PCLO: variants seen among roughly 807,000 people sequenced by gnomAD.
PCLO encodes protein piccolo.
PCLO carries 82 observed loss-of-function variants against 427.5 expected under a neutral mutation model. That is an observed-to-expected ratio of 0.19 (90% CI 0.16 to 0.23). PCLO has a LOEUF of 0.23. Ranked by LOEUF, PCLO falls within the 10% of genes least tolerant of loss-of-function variation. The pLI is 1.00. For missense variants in PCLO, 6,239 were observed against 6,115.9 expected (o/e 1.02, Z -0.67); for synonymous variants, 2,357 against 2,155.4 (o/e 1.09, Z -2.59).
Position 82,841,508 on chromosome 7 carries a change from G to C in PCLO, c.14048C>G (p.Pro4683Arg), listed in dbSNP as rs1339579524. 1.3e-6 allele frequency: 2 copies of C among 1,552,952 alleles called. No homozygotes were observed. Among genetic ancestry groups the C allele is most frequent in the African/African-American group, 2.7e-5 (2 of 73,702 alleles). ...VSKKKHGSSK[P>R]TDGTKVVSHP... is the part of the protein sequence containing the mutation. ...AGAGACAACCTTTGTTCCATCGGTA[G>C]GCTGTAATATTAAAGAACATATATT... is the stretch of plus-strand genomic sequence containing the variant. The change falls in exon 14 of 25, where the codon CCT (proline) becomes CGT (arginine). Residue 4683 changes from proline to arginine, a missense_variant and splice_region_variant. Physicochemically the swap from Pro to Arg is moderately radical, Grantham distance 103 (BLOSUM62 -2). Around this residue, in one of 5 missense-constraint regions of PCLO, gnomAD observed 877 missense variants for 925.5 expected, o/e 0.95. Transcript: ENST00000333891.
chr7:83,041,750 G>A lies in PCLO; in HGVS notation c.3301-75263C>T, dbSNP rs1361981941. On this transcript the variant is annotated intron_variant, in intron 3 of 24. Transcript: ENST00000333891. ...CTAATATTCAAGAATGTTATGACAA[G>A]ATCAAAATCTTCATTTGGATAACAG... 5.9e-5 allele frequency among the ~76,000 whole-genome samples: 9 copies of A among 152,194 alleles called. No individual in the cohort carries two copies. The South Asian group carries it at 1.4e-3, about 25-fold the overall frequency.
At chr7:82,981,966 C>T (rs1796155840) in intron 3 of PCLO, among the ~76,000 whole-genome samples, 1 of 152,008 alleles carries the variant, frequency 6.6e-6, no homozygotes, top group African/African-American at 2.4e-5. Flanking sequence ...CTTTCTTCTT[C>T]TCCGGTTTTT....
At chr7:82,807,802 A>G (rs937983418) in intron 20 of PCLO, among the ~76,000 whole-genome samples, 16 of 151,026 alleles carry the variant, frequency 1.1e-4, no homozygotes, top group Non-Finnish European at 2.4e-4. Flanking sequence ...ACTTATAGAC[A>G]TCTGATATAC....
Position 82,953,169 on chromosome 7 carries a change from G to T in PCLO, c.7784C>A (p.Ser2595Tyr), listed in dbSNP as rs1170802408. The T allele has an allele frequency of 6.2e-7, 1 of 1,613,928 alleles. No homozygotes were observed. Among genetic ancestry groups the T allele is most frequent in the South Asian group, 1.1e-5 (1 of 91,078 alleles). Residue 2595 changes from serine (S) to tyrosine (Y), a missense_variant, in exon 5 of 25, where the codon TCT becomes TAT. By Grantham distance (144) the Ser-to-Tyr change is moderately radical. Transcript: ENST00000333891. The part of the protein sequence containing the change: ...LPSEPGTPTD[S>Y]SASQAITSWP... ...ACTGGTAATTGCTTGACTAGCAGAA[G>T]AATCTGTTGGAGTCCCTGGTTCAGA...
At chr7:82,877,827 G>A (rs1297894040) in intron 10 of PCLO, among the ~76,000 whole-genome samples, 2 of 151,930 alleles carry the variant, frequency 1.3e-5, no homozygotes, top group East Asian at 1.9e-4. Flanking sequence ...CACCACATCC[G>A]GGTAATTTTT....
intron 6 of PCLO, among the ~76,000 whole-genome samples, chr7:82,923,868 G>T (rs529933529): frequency 6.6e-6 from 1 of 151,910 alleles, no homozygotes; most frequent in Non-Finnish European, 1.5e-5. Flanking sequence ...GACAGTAATG[G>T]CATTTTGGAC....
At chr7:83,019,767 T>A (rs1462513178) in intron 3 of PCLO, among the ~76,000 whole-genome samples, 1 of 152,124 alleles carries the variant, frequency 6.6e-6, no homozygotes, top group South Asian at 2.1e-4. Context: ...TGTTTTCCTA[T>A]ATCCCAAATC....
chr7:83,071,315 A>G (rs1238129943), intron 3 of PCLO, among the ~76,000 whole-genome samples: 1 of 152,198 alleles, frequency 6.6e-6, no homozygotes, highest in Admixed American at 6.5e-5. Context: ...GTTTTAAAGT[A>G]TTTCTTAAAT....
At chr7:83,055,763 C>T (rs1478557333) in intron 3 of PCLO, among the ~76,000 whole-genome samples, 2 of 152,076 alleles carry the variant, frequency 1.3e-5, no homozygotes, top group African/African-American at 4.8e-5. Context: ...TTTGATTCTA[C>T]ACAGTAAGGA....
At chr7:82,896,618 T>C (rs547289378) in intron 9 of PCLO, among the ~76,000 whole-genome samples, 31 of 151,758 alleles carry the variant, frequency 2.0e-4, no homozygotes, top group Middle Eastern at 3.4e-3. Flanking sequence ...ATTTGTACAC[T>C]AACAATAGAT....
chr7:82,994,927 T>A lies in PCLO; in HGVS notation c.3301-28440A>T, dbSNP rs370444267. ...AGGAAATGTAAAGATTATTCTGTAA[T>A]TACTGGCTTGGATTTCTGGGTGGAT... On this transcript the variant is annotated intron_variant, in intron 3 of 24. Transcript: ENST00000333891. 2.0e-5 allele frequency among the ~76,000 whole-genome samples: 3 copies of A among 152,092 alleles called. No individual in the cohort carries two copies. In the South Asian group the frequency reaches 6.2e-4, roughly 32 times the overall value.
chr7:83,110,954 C>T (rs1027074854), intron 3 of PCLO, among the ~76,000 whole-genome samples: 7 of 152,148 alleles, frequency 4.6e-5, no homozygotes, highest in Non-Finnish European at 1.0e-4. Context: ...CTTCTTATTA[C>T]TATCCCAAAT....
intron 3 of PCLO, among the ~76,000 whole-genome samples, chr7:83,124,906 C>T (rs778924505): frequency 1.3e-4 from 20 of 152,236 alleles, no homozygotes; most frequent in Admixed American, 1.1e-3. Flanking sequence ...AGGCGCACGC[C>T]GCCACGCCTG....
intron 6 of PCLO, among the ~76,000 whole-genome samples, chr7:82,943,886 G>A (rs368300742): frequency 1.3e-5 from 2 of 151,916 alleles, no homozygotes; most frequent in Non-Finnish European, 2.9e-5. Flanking sequence ...GGCTGGGTGC[G>A]GTGGCTCACG....
intron 10 of PCLO, 25 bp downstream of exon 10, chr7:82,879,309 ATTT>A: frequency 6.3e-7 from 1 of 1,577,824 alleles, no homozygotes; most frequent in Non-Finnish European, 8.6e-7. Context: ...CATTCATTTT[ATTT>A]TACTGTAAAA....
At chr7:83,139,632 G>A (rs1448674369) in intron 2 of PCLO, among the ~76,000 whole-genome samples, 1 of 152,158 alleles carries the variant, frequency 6.6e-6, no homozygotes, top group Non-Finnish European at 1.5e-5. Context: ...TTCACAGGGA[G>A]AGAATTCTGC....
intron 3 of PCLO, among the ~76,000 whole-genome samples, chr7:83,057,042 T>A (rs1325863412): frequency 6.6e-6 from 1 of 151,808 alleles, no homozygotes; most frequent in African/African-American, 2.4e-5. Flanking sequence ...TTTGTGCTAT[T>A]AAGCCATACA....
intron 13 of PCLO, among the ~76,000 whole-genome samples, chr7:82,843,477 A>C (rs1792418361): frequency 6.6e-6 from 1 of 152,120 alleles, no homozygotes. Flanking sequence ...GTTATACAAC[A>C]TGGTGACTAC....
chr7:82,936,498 A>G (rs1048777767), intron 6 of PCLO, among the ~76,000 whole-genome samples: 5 of 146,998 alleles, frequency 3.4e-5, no homozygotes, highest in Non-Finnish European at 7.5e-5. Flanking sequence ...GGATAGTTAT[A>G]ATAATATTTA....
Sources: allele counts gnomAD v4.1 joint callset (sites outside exome capture counted in the v4.1 genomes callset), GRCh38; gene constraint gnomAD v4.1.1; regional missense constraint gnomAD v4.1.1; transcripts MANE v1.5; gene names NCBI Gene and HGNC (gene_info 2026-07-23, HGNC 2026-07-21).